Variants in ARL15 observed in about 807,000 individuals in gnomAD.
ARL15 encodes the protein ADP-ribosylation factor-like protein 15.
A neutral mutation model predicts 25.2 loss-of-function variants in ARL15; 19 were observed. That is an observed-to-expected ratio of 0.75 (90% CI 0.53 to 1.10). The LOEUF (loss-of-function observed/expected upper bound fraction) is 1.10, where lower values mean the gene tolerates loss of function less well. ARL15 is among the 50% of genes least tolerant of loss of function. ARL15 has a pLI of 0.00. For synonymous variants in ARL15, 94 were observed against 86.8 expected, an observed-to-expected ratio of 1.08 and a Z score of -0.46; for missense variants, 220 against 246.0, an observed-to-expected ratio of 0.89 and a Z score of 0.71.
At chr5:53,994,542 G>A (rs1441239359) in intron 4 of ARL15, among the ~76,000 whole-genome samples, 1 of 152,154 alleles carries the variant, frequency 6.6e-6, no homozygotes, top group Non-Finnish European at 1.5e-5. Context: ...GCTCCTAGGG[G>A]CTCCAATTAA....
At chr5:54,301,444 G>A (rs1758615017) in intron 1 of ARL15, among the ~76,000 whole-genome samples, 1 of 152,112 alleles carries the variant, frequency 6.6e-6, no homozygotes. Flanking sequence ...TGAGAAGGGT[G>A]GAGGAGGAAG....
chr5:53,951,735 C>T, intron 4 of ARL15: 1 of 302,456 alleles, frequency 3.3e-6, no homozygotes, highest in East Asian at 1.4e-4. Flanking sequence ...ATAGTTTTTC[C>T]ATGAATCTTT....
intron 4 of ARL15, among the ~76,000 whole-genome samples, chr5:54,027,995 C>T (rs541945353): frequency 1.3e-5 from 2 of 152,070 alleles, no homozygotes; most frequent in East Asian, 1.9e-4. Context: ...TGGCTCACTG[C>T]AAGCTCCACC....
intron 3 of ARL15, among the ~76,000 whole-genome samples, chr5:54,126,818 A>T (rs1006424118): frequency 5.9e-5 from 9 of 151,954 alleles, no homozygotes; most frequent in Admixed American, 2.6e-4. Flanking sequence ...TTCTTTTTTT[A>T]AATTTTTGTA....
At chr5:54,093,239 C>G (rs145234254) in intron 4 of ARL15, among the ~76,000 whole-genome samples, 29 of 152,276 alleles carry the variant, frequency 1.9e-4, no homozygotes, top group African/African-American at 7.0e-4. Context: ...TTGCTCTGTT[C>G]TAAGGTGAAT....
At chr5:54,119,258 T>C (rs1753003225) in intron 3 of ARL15, among the ~76,000 whole-genome samples, 1 of 152,148 alleles carries the variant, frequency 6.6e-6, no homozygotes, top group South Asian at 2.1e-4. Context: ...AATGGATTAA[T>C]GCTGTTCTTT....
chr5:54,120,652 C>A (rs1265132265), intron 3 of ARL15, among the ~76,000 whole-genome samples: 1 of 152,134 alleles, frequency 6.6e-6, no homozygotes, highest in East Asian at 1.9e-4. Context: ...TGCATAGTTC[C>A]AAATGTTTTT....
intron 1 of ARL15, among the ~76,000 whole-genome samples, chr5:54,272,107 CTTTTTTTTTTTTT>C (rs34592464): frequency 2.7e-5 from 1 of 36,750 alleles, no homozygotes; most frequent in African/African-American, 8.4e-5. Context: ...CCACTCCTGG[CTTTTTTTTTTTTT>C]TTTTTTTTTT....
chr5:54,024,398 G>T (rs547713694), intron 4 of ARL15, among the ~76,000 whole-genome samples: 1 of 152,118 alleles, frequency 6.6e-6, no homozygotes, highest in Non-Finnish European at 1.5e-5. Context: ...AACCAAATTC[G>T]TGAGTAACAT....
chr5:54,040,018 G>A (rs898070926), intron 4 of ARL15, among the ~76,000 whole-genome samples: 4 of 152,036 alleles, frequency 2.6e-5, no homozygotes, highest in African/African-American at 9.7e-5. Flanking sequence ...ACAAGAAAGG[G>A]CAGATTAGAC....
At chr5:53,903,812 G>A (rs1438168137) in intron 4 of ARL15, among the ~76,000 whole-genome samples, 1 of 152,208 alleles carries the variant, frequency 6.6e-6, no homozygotes, top group Non-Finnish European at 1.5e-5. Context: ...GCTGAAACAA[G>A]TGTGCCAAGG....
Position 54,188,196 on chromosome 5 carries a change from C to T in ARL15, c.49-16268G>A, listed in dbSNP as rs144734565. Among the ~76,000 whole-genome samples, 19 of 152,172 alleles carry T rather than the reference C, an allele frequency of 1.2e-4. No individual in the cohort carries two copies. The East Asian group carries it at 3.5e-3, about 28-fold the overall frequency. On this transcript the variant is annotated intron_variant, in intron 1 of 4. Coordinates refer to ENST00000504924, the MANE Select transcript of ARL15 (RefSeq NM_019087.3). ...TGGTTAGCAATAAATAAATAAAGGT[C>T]CTTGGCTAACAAACTCAGCTTTCCC... is the stretch of plus-strand genomic sequence containing the variant.
intron 4 of ARL15, among the ~76,000 whole-genome samples, chr5:53,917,495 A>G (rs1979647): frequency 0.93 from 141,534 of 152,226 alleles, 66,363 homozygotes; most frequent in Non-Finnish European, 1. Context: ...CATATACTCC[A>G]TAGGCACTAA....
At position 54,171,800 on chromosome 5, in the gene ARL15, G is replaced by A. The variant is rs767252818; in HGVS notation, c.177C>T (p.Asn59=). ...LSKLCSESPD[N]VVSTTGFSIK... ...AGTACCCACCTGTGGTCGACACGAC[G>A]TTATCGGGGCTTTCACTGCAGAGTT... is the stretch of plus-strand genomic sequence containing the variant. Residue 59 remains asparagine, a synonymous_variant, in exon 2 of 5, where the codon AAC becomes AAT. Coordinates refer to ENST00000504924, the MANE Select transcript of ARL15 (RefSeq NM_019087.3). The A allele has an allele frequency of 3.3e-5, 54 of 1,612,788 alleles. No homozygotes were observed. The highest frequency in any genetic ancestry group is 1.7e-4 in the Middle Eastern group (1 of 6,048).
intron 1 of ARL15, among the ~76,000 whole-genome samples, chr5:54,239,146 A>G (rs1756886712): frequency 6.6e-6 from 1 of 152,206 alleles, no homozygotes; most frequent in Admixed American, 6.5e-5. Context: ...CATCCGAAAA[A>G]GACAGACTAG....
rs147002644 is a variant in ARL15 at position 54,040,595 on chromosome 5, T to C, written c.462+72607A>G. On this transcript the variant is annotated intron_variant, in intron 4 of 4. Transcript: ENST00000504924. Reference sequence around the variant, plus strand: ...GATCACAGTAGAGCTACTAACTGCATTCATTATGTTTTTTAAATCCTCAAA... The same window carrying C: ...GATCACAGTAGAGCTACTAACTGCACTCATTATGTTTTTTAAATCCTCAAA... 1.1e-4 allele frequency among the ~76,000 whole-genome samples: 16 copies of C among 152,276 alleles called. No homozygotes were observed. In the East Asian group the frequency reaches 3.1e-3, roughly 29 times the overall value.
intron 3 of ARL15, among the ~76,000 whole-genome samples, chr5:54,146,488 A>G (rs1244728087): frequency 6.6e-6 from 1 of 152,220 alleles, no homozygotes; most frequent in Non-Finnish European, 1.5e-5. Flanking sequence ...TGTTAGAGGA[A>G]AATACTGGTC....
intron 4 of ARL15, among the ~76,000 whole-genome samples, chr5:53,995,265 G>A (rs937967963): frequency 7.5e-6 from 1 of 132,564 alleles, no homozygotes; most frequent in African/African-American, 2.9e-5. Context: ...CCGAGATTGT[G>A]CCACTGCACA....
intron 2 of ARL15, among the ~76,000 whole-genome samples, chr5:54,155,058 T>C (rs553046928): frequency 2.6e-5 from 4 of 152,228 alleles, no homozygotes; most frequent in African/African-American, 9.6e-5. Flanking sequence ...GAGGCAGAGG[T>C]TGCAGTAAGC....
Sources: gnomAD v4.1 joint callset for allele counts (sites outside exome capture counted in the v4.1 genomes callset) on GRCh38, gnomAD v4.1.1 for gene constraint, MANE v1.5 for transcripts, NCBI Gene and HGNC (gene_info 2026-07-23, HGNC 2026-07-21) for gene names.